Variants in WNT7B observed in about 807,000 individuals in gnomAD.
The protein encoded by WNT7B is Wnt family member 7B, also known as protein Wnt-7b.
A neutral mutation model predicts 38.2 loss-of-function variants in WNT7B; 19 were observed. That is an observed-to-expected ratio of 0.50 (90% CI 0.35 to 0.73). The LOEUF (loss-of-function observed/expected upper bound fraction) is 0.73, where lower values mean the gene tolerates loss of function less well. Ranked by LOEUF, WNT7B falls within the 30% of genes least tolerant of loss-of-function variation. The probability of loss-of-function intolerance (pLI) is 0.01; values close to 1 mark genes in which losing one functional copy is unlikely to be tolerated. For synonymous variants in WNT7B, 243 were observed against 209.3 expected, an observed-to-expected ratio of 1.16 and a Z score of -1.39; for missense variants, 423 against 507.9, an observed-to-expected ratio of 0.83 and a Z score of 1.61.
chr22:45,976,882 C>G lies in WNT7B; in HGVS notation c.-128G>C, dbSNP rs1932563667. ...CAGCCCGCGCTGCGGCTCGGGCGGC[C>G]GGCGACGCGCGGGCACTCGGCGCGC... On this transcript the variant is annotated 5_prime_UTR_variant, in exon 1 of 4. Coordinates refer to ENST00000339464, the MANE Select transcript of WNT7B (RefSeq NM_058238.3). This position sits in a 1 kb window ranked among gnomAD's most constrained non-coding sequence, Gnocchi z 8.5. The G allele has an allele frequency of 9.9e-7, 1 of 1,009,206 alleles. No individual in the cohort carries two copies. The highest frequency in any genetic ancestry group is 1.2e-6 in the Non-Finnish European group (1 of 843,118). 62.5% of individuals were successfully genotyped at this position (1,009,206 alleles called of 1,614,324 possible).
At chr22:45,962,192 G>T (rs543440619) in intron 1 of WNT7B, among the ~76,000 whole-genome samples, 1 of 152,104 alleles carries the variant, frequency 6.6e-6, no homozygotes, top group African/African-American at 2.4e-5. Context: ...GGCTGAGGCC[G>T]CTGCAGGTGG....
rs1365495670 is a variant in WNT7B at position 45,965,345 on chromosome 22, G to A, written c.71+11339C>T. ...TGTGTCAACGACGCTGGAAGGCAGG[G>A]CGGTAGGGACTTTCCTTCCCAGTCA... On this transcript the variant is annotated intron_variant, in intron 1 of 3. Coordinates refer to ENST00000339464, the MANE Select transcript of WNT7B (RefSeq NM_058238.3). The surrounding 1 kb of genome is among the most constrained non-coding windows in gnomAD (Gnocchi z 6.5). 6.6e-6 allele frequency among the ~76,000 whole-genome samples: 1 copy of A among 152,212 alleles called. No homozygotes were observed. The highest frequency in any genetic ancestry group is 1.5e-5 in the Non-Finnish European group (1 of 68,042).
chr22:45,964,661 G>C (rs1036165147), intron 1 of WNT7B, among the ~76,000 whole-genome samples: 9 of 152,144 alleles, frequency 5.9e-5, no homozygotes, highest in Non-Finnish European at 8.8e-5. Context: ...AGCACGCCTG[G>C]GGCCACCACA....
intron 3 of WNT7B, among the ~76,000 whole-genome samples, chr22:45,929,221 A>C (rs1033154664): frequency 6.6e-6 from 1 of 152,042 alleles, no homozygotes; most frequent in Non-Finnish European, 1.5e-5. Context: ...GGTGAACCAC[A>C]CTTTCCTCTG....
In WNT7B at chr22:45,966,161, C is replaced by A. The variant is rs1005630966; in HGVS notation, c.71+10523G>T. Among the ~76,000 whole-genome samples the A allele has an allele frequency of 6.6e-6, 1 of 152,220 alleles. No individual in the cohort carries two copies. Among genetic ancestry groups the A allele is most frequent in the African/African-American group, 2.4e-5 (1 of 41,460 alleles). On this transcript the variant is annotated intron_variant, in intron 1 of 3. Transcript: ENST00000339464. The surrounding 1 kb of genome is among the most constrained non-coding windows in gnomAD (Gnocchi z 4.2). ...ACACGTCAGTCCCACTAGGGAGGGC[C>A]TTCTGGGGGAAACTGAGTCCTCCAG...
Position 45,922,709 on chromosome 22 carries a change from C to T in WNT7B, c.*147G>A, listed in dbSNP as rs1034537993. 22 of 1,327,464 alleles carry T rather than the reference C, an allele frequency of 1.7e-5. No individual in the cohort carries two copies. Among genetic ancestry groups the T allele is most frequent in the African/African-American group, 1.6e-4 (11 of 67,824 alleles). 82.2% of individuals were successfully genotyped at this position (1,327,464 alleles called of 1,614,324 possible). A position where few individuals can be genotyped will look rare whatever the true frequency, so the allele number is the denominator to read the frequency against. Reference sequence around the variant, plus strand: ...GGAGGCGGGCAGAGGGCGTGGGCCCCGGCCGGTGCCCTCCTGCACCTGGAG... The same window carrying T: ...GGAGGCGGGCAGAGGGCGTGGGCCCTGGCCGGTGCCCTCCTGCACCTGGAG... On this transcript the variant is annotated 3_prime_UTR_variant, in exon 4 of 4. Transcript: ENST00000339464.
intron 3 of WNT7B, chr22:45,925,264 TGGGTGCC>T (rs1221089508): frequency 1.2e-5 from 12 of 984,964 alleles, no homozygotes; most frequent in Non-Finnish European, 1.2e-5. Flanking sequence ...GGCTGGCAGG[TGGGTGCC>T]GGGTGGGCCC....
At chr22:45,943,960 G>A (rs1437414573) in intron 2 of WNT7B, among the ~76,000 whole-genome samples, 1 of 152,158 alleles carries the variant, frequency 6.6e-6, no homozygotes, top group Non-Finnish European at 1.5e-5. Flanking sequence ...TTTGCCCACG[G>A]AACCCACGTG....
chr22:45,954,198 C>A (rs900747968), intron 1 of WNT7B, among the ~76,000 whole-genome samples: 1 of 151,366 alleles, frequency 6.6e-6, no homozygotes, highest in African/African-American at 2.4e-5. Context: ...ATGAAACGTC[C>A]GGAATAGGCA....
chr22:45,929,421 CATCCATCCACCCACCCACTG>C (rs1416295919), intron 3 of WNT7B, among the ~76,000 whole-genome samples: 1 of 141,038 alleles, frequency 7.1e-6, no homozygotes, highest in Non-Finnish European at 1.6e-5. Flanking sequence ...TGAATCCACT[CATCCATCCACCCACCCACTG>C]ATCCATCCTT....
Position 45,924,715 on chromosome 22 carries a change from C to G in WNT7B, c.571-1380G>C, listed in dbSNP as rs1184417090. On this transcript the variant is annotated intron_variant, in intron 3 of 3. Coordinates refer to ENST00000339464, the MANE Select transcript of WNT7B (RefSeq NM_058238.3). The stretch of plus-strand genomic sequence containing the variant: ...TCCCAAAGGCTCATCAGGTGGGTGC[C>G]GGGTGGGCCCTAGACTGGCAGGTGG... Among the ~76,000 whole-genome samples, 3 of 136,598 alleles carry G rather than the reference C, an allele frequency of 2.2e-5. No homozygotes were observed. In the South Asian group the frequency reaches 7.3e-4, roughly 33 times the overall value. The allele number at this position is 136,598 out of a possible 152,430, so 89.6% of individuals were successfully genotyped here. A position where few individuals can be genotyped will look rare whatever the true frequency, so the allele number is the denominator to read the frequency against.
rs997240461 is a variant in WNT7B at position 45,966,006 on chromosome 22, G to T, written c.71+10678C>A. 2.0e-5 allele frequency among the ~76,000 whole-genome samples: 3 copies of T among 152,148 alleles called. No homozygotes were observed. Among genetic ancestry groups the T allele is most frequent in the Admixed American group, 6.5e-5 (1 of 15,276 alleles). ...CTGGGCTCAGCTGCTTGACCTGGGC[G>T]AGTGACTCTGCACCCTGACCTCGTC... is the stretch of plus-strand genomic sequence containing the variant. On this transcript the variant is annotated intron_variant, in intron 1 of 3. Transcript: ENST00000339464. This position sits in a 1 kb window ranked among gnomAD's most constrained non-coding sequence, Gnocchi z 4.2.
At position 45,949,925 on chromosome 22, in the gene WNT7B, C is replaced by T. The variant is rs745628877; in HGVS notation, c.293G>A (p.Arg98Gln). 27 of 1,607,566 alleles carry T rather than the reference C, an allele frequency of 1.7e-5. No individual in the cohort carries two copies. The African/African-American group carries it at 2.7e-4, about 16-fold the overall frequency. ...GAGCCCAGAGGCGCCCTTACCTACT[C>T]GGAGCTCTTGCCCGAAGACGGTCTT... The part of the protein sequence containing the change: ...GEKTVFGQEL[R>Q]VGSREAAFTY... The change falls in exon 2 of 4, where the codon CGA (arginine) becomes CAA (glutamine). Residue 98 changes from arginine (R) to glutamine (Q), a missense_variant. Coordinates refer to ENST00000339464, the MANE Select transcript of WNT7B (RefSeq NM_058238.3).
chr22:45,958,688 G>A (rs1203869392), intron 1 of WNT7B, among the ~76,000 whole-genome samples: 16 of 152,200 alleles, frequency 1.1e-4, no homozygotes, highest in African/African-American at 3.9e-4. Context: ...GAGCGAGCAC[G>A]GCTGGAACCC....
intron 2 of WNT7B, among the ~76,000 whole-genome samples, chr22:45,940,827 A>G (rs28363688): frequency 6.6e-6 from 1 of 152,224 alleles, no homozygotes; most frequent in Non-Finnish European, 1.5e-5. Flanking sequence ...GGGAGAGGTG[A>G]GGAACACAGG....
intron 2 of WNT7B, among the ~76,000 whole-genome samples, chr22:45,939,630 C>A (rs1931593223): frequency 1.2e-5 from 1 of 80,172 alleles, no homozygotes; most frequent in South Asian, 5.9e-4. Flanking sequence ...CCTGTCTCTA[C>A]AAACACACAC....
At chr22:45,936,461 C>T (rs181006961) in intron 2 of WNT7B, among the ~76,000 whole-genome samples, 12 of 152,364 alleles carry the variant, frequency 7.9e-5, no homozygotes, top group Admixed American at 7.2e-4. Flanking sequence ...CCCCATCGGC[C>T]CTGCCCAGCT....
In WNT7B at chr22:45,972,006, G is replaced by C. The variant is rs543178050; in HGVS notation, c.71+4678C>G. The stretch of plus-strand genomic sequence containing the variant: ...CCTCGGCAGCTTAGGCTGGCGAGGC[G>C]ACCTAAAGTCCCCCGGCTCCCGCGC... On this transcript the variant is annotated intron_variant, in intron 1 of 3. Coordinates refer to ENST00000339464, the MANE Select transcript of WNT7B (RefSeq NM_058238.3). 5.2e-4 allele frequency: 232 copies of C among 448,536 alleles called. 1 individual carries two copies. The highest frequency in any genetic ancestry group is 4.3e-3 in the African/African-American group (205 of 47,808). The allele number at this position is 448,536 out of a possible 1,614,324, so 27.8% of individuals were successfully genotyped here.
At position 45,966,306 on chromosome 22, in the gene WNT7B, G is replaced by A. The variant is rs763398852; in HGVS notation, c.71+10378C>T. Among the ~76,000 whole-genome samples, 6 of 152,224 alleles carry A rather than the reference G, an allele frequency of 3.9e-5. No homozygotes were observed. The highest frequency in any genetic ancestry group is 8.8e-5 in the Non-Finnish European group (6 of 68,032). ...TCTGTCTCACCACGTGGGACTGCGC[G>A]GGCCTAAGTCTCAGCTCTGGATGCC... On this transcript the variant is annotated intron_variant, in intron 1 of 3. Transcript: ENST00000339464. The surrounding 1 kb of genome is among the most constrained non-coding windows in gnomAD (Gnocchi z 4.2).
Sources: gnomAD v4.1 joint callset for allele counts (sites outside exome capture counted in the v4.1 genomes callset) on GRCh38, gnomAD v4.1.1 for gene constraint, Gnocchi (gnomAD v3.1) non-coding constraint, MANE v1.5 for transcripts, NCBI Gene and HGNC (gene_info 2026-07-23, HGNC 2026-07-21) for gene names.